The following IKZF1 variants were observed in gnomAD, a reference collection of about 807,000 sequenced individuals.
IKZF1 encodes the protein DNA-binding protein Ikaros.
IKZF1 carries 10 observed loss-of-function variants against 51.7 expected under a neutral mutation model. The observed-to-expected ratio is 0.19, with a 90% CI of 0.12 to 0.33. The LOEUF (loss-of-function observed/expected upper bound fraction) is 0.33, where lower values mean the gene tolerates loss of function less well. IKZF1 is among the 10% of genes least tolerant of loss of function. The probability of loss-of-function intolerance (pLI) is 1.00; values close to 1 mark genes in which losing one functional copy is unlikely to be tolerated. For missense variants in IKZF1, 484 were observed against 707.5 expected, an observed-to-expected ratio of 0.68 and a Z score of 3.58; for synonymous variants, 280 against 282.3, an observed-to-expected ratio of 0.99 and a Z score of 0.08.
intron 7 of IKZF1, among the ~76,000 whole-genome samples, chr7:50,393,682 G>A (rs866178965): frequency 3.9e-5 from 6 of 152,182 alleles, no homozygotes; most frequent in South Asian, 2.1e-4. Context: ...CTTCCTGAAC[G>A]GAGTAGGAGT....
intron 3 of IKZF1, among the ~76,000 whole-genome samples, chr7:50,351,413 C>T (rs766904290): frequency 6.6e-6 from 1 of 152,188 alleles, no homozygotes; most frequent in Non-Finnish European, 1.5e-5. Context: ...TGTTTTTCAT[C>T]TCAGAATGTT....
At chr7:50,332,854 C>T (rs1796714498) in intron 3 of IKZF1, among the ~76,000 whole-genome samples, 1 of 152,054 alleles carries the variant, frequency 6.6e-6, no homozygotes, top group Non-Finnish European at 1.5e-5. Flanking sequence ...TGGTACATTC[C>T]AGAATGTGCT....
chr7:50,319,185 T>TG (rs1792430944), intron 2 of IKZF1, 84 bp downstream of exon 2: 1 of 1,145,444 alleles, frequency 8.7e-7, no homozygotes. Context: ...GGTATGCTCA[T>TG]GGGGGAGGAA....
intron 5 of IKZF1, among the ~76,000 whole-genome samples, chr7:50,383,947 C>A (rs1438744178): frequency 3.9e-5 from 6 of 152,236 alleles, no homozygotes; most frequent in African/African-American, 1.4e-4. Flanking sequence ...TTACTGAGCA[C>A]CCCTGGGTGC....
rs1440399182 is a variant in IKZF1, at chr7:50,405,075, C to T, written c.*4448C>T. On this transcript the variant is annotated 3_prime_UTR_variant, in exon 8 of 8. Transcript: ENST00000331340. ...CACCTTTTCTGTCAAAATAAAATGTCTTGGAGGTTATGACTCCTTGGTGAA... is the reference window on the plus strand; with the variant it reads ...CACCTTTTCTGTCAAAATAAAATGTTTTGGAGGTTATGACTCCTTGGTGAA... The T allele has an allele frequency of 1.1e-5, 2 of 189,996 alleles. No homozygotes were observed. The highest frequency in any genetic ancestry group is 1.7e-4 in the East Asian group (2 of 12,094). 11.8% of individuals were successfully genotyped at this position (189,996 alleles called of 1,614,324 possible). A position where few individuals can be genotyped will look rare whatever the true frequency, so the allele number is the denominator to read the frequency against.
chr7:50,376,427 T>G lies in IKZF1; in HGVS notation c.161-106T>G, dbSNP rs1810307942. On this transcript the variant is annotated intron_variant, in intron 3 of 7. Coordinates refer to ENST00000331340, the MANE Select transcript of IKZF1 (RefSeq NM_006060.6). The surrounding 1 kb of genome is among the most constrained non-coding windows in gnomAD (Gnocchi z 4.5). ...CTTGGTATTTGCTAAGAACTTCTGT[T>G]TAGTAGCTCTCCACACCTATTTGAT... The G allele has an allele frequency of 6.6e-7, 1 of 1,515,174 alleles. No individual in the cohort carries two copies. Among genetic ancestry groups the G allele is most frequent in the African/African-American group, 1.4e-5 (1 of 71,844 alleles). The allele number at this position is 1,515,174 out of a possible 1,614,324, so 93.9% of individuals were successfully genotyped here.
In IKZF1 at chr7:50,391,875, A is replaced by G; in HGVS notation, c.850+12A>G. The G allele has an allele frequency of 6.2e-7, 1 of 1,606,926 alleles. No homozygotes were observed. The highest frequency in any genetic ancestry group is 8.5e-7 in the Non-Finnish European group (1 of 1,175,884). ...TCAGAAATTTCTTGGTAAGAGTTAA[A>G]TGTTTGCTGTCTCTTAAAAAAAAAC... On this transcript the variant is annotated intron_variant, in intron 7 of 7. Coordinates refer to ENST00000331340, the MANE Select transcript of IKZF1 (RefSeq NM_006060.6).
At chr7:50,391,243 A>T (rs1163195328) in intron 6 of IKZF1, among the ~76,000 whole-genome samples, 3 of 152,146 alleles carry the variant, frequency 2.0e-5, no homozygotes, top group Admixed American at 2.0e-4. Flanking sequence ...TTTTTCCTCC[A>T]CATTGCCCAG....
In IKZF1 at chr7:50,402,198, T is replaced by G; in HGVS notation, c.*1571T>G. 4.3e-6 allele frequency: 1 copy of G among 230,264 alleles called. No homozygotes were observed. Among genetic ancestry groups the G allele is most frequent in the African/African-American group, 2.2e-5 (1 of 45,274 alleles). The allele number at this position is 230,264 out of a possible 1,614,324, so 14.3% of individuals were successfully genotyped here. A position where few individuals can be genotyped will look rare whatever the true frequency, so the allele number is the denominator to read the frequency against. ...TCAACCACCTAGGCAATGAAGAATA[T>G]ACCATTTCAAATATTTACAGTACTT... is the stretch of plus-strand genomic sequence containing the variant. On this transcript the variant is annotated 3_prime_UTR_variant, in exon 8 of 8. Transcript: ENST00000331340.
chr7:50,306,554 A>C (rs1788841321), intron 1 of IKZF1, among the ~76,000 whole-genome samples: 1 of 152,232 alleles, frequency 6.6e-6, no homozygotes, highest in African/African-American at 2.4e-5. Context: ...GGTCTCCAGG[A>C]GACCACAAGG....
chr7:50,393,425 G>C (rs575281540), intron 7 of IKZF1, among the ~76,000 whole-genome samples: 2 of 152,282 alleles, frequency 1.3e-5, no homozygotes, highest in East Asian at 3.9e-4. Context: ...TGACCTGCAG[G>C]ATGACATGAA....
intron 3 of IKZF1, among the ~76,000 whole-genome samples, chr7:50,348,207 G>A (rs1350914978): frequency 1.3e-5 from 2 of 152,222 alleles, no homozygotes; most frequent in Non-Finnish European, 2.9e-5. Flanking sequence ...GTTAGATAGT[G>A]AAAGAAATTC....
intron 7 of IKZF1, among the ~76,000 whole-genome samples, chr7:50,395,743 CT>C (rs975491457): frequency 2.2e-4 from 33 of 152,180 alleles, no homozygotes; most frequent in African/African-American, 6.0e-4. Context: ...ATTCAAGCAA[CT>C]TTTTTAAAAA....
chr7:50,345,216 A>T (rs1800055171), intron 3 of IKZF1, among the ~76,000 whole-genome samples: 3 of 152,138 alleles, frequency 2.0e-5, no homozygotes. Flanking sequence ...TTACCACCTT[A>T]CTAAAATATT....
At chr7:50,379,520 C>T (rs1811250348) in intron 4 of IKZF1, among the ~76,000 whole-genome samples, 1 of 152,174 alleles carries the variant, frequency 6.6e-6, no homozygotes, top group Admixed American at 6.5e-5. Context: ...ATCTTCCCCA[C>T]CAATGTCTCA....
chr7:50,344,344 T>C (rs1799821562), intron 3 of IKZF1, among the ~76,000 whole-genome samples: 1 of 152,258 alleles, frequency 6.6e-6, no homozygotes, highest in African/African-American at 2.4e-5. Context: ...CATCCGCTGA[T>C]GTTGTCTTCC....
chr7:50,314,120 C>A (rs1314767124), intron 1 of IKZF1, among the ~76,000 whole-genome samples: 1 of 152,068 alleles, frequency 6.6e-6, no homozygotes, highest in Non-Finnish European at 1.5e-5. Flanking sequence ...TAATTTTTTT[C>A]TTTTTTCTTT....
At chr7:50,382,794 C>A in intron 5 of IKZF1, 87 bp downstream of exon 5, 1 of 1,457,058 alleles carries the variant, frequency 6.9e-7, no homozygotes, top group Non-Finnish European at 9.1e-7. Flanking sequence ...TGTGTCCTTG[C>A]TGGCTAACCC....
intron 2 of IKZF1, among the ~76,000 whole-genome samples, chr7:50,320,840 TC>T (rs1384663266): frequency 6.6e-6 from 1 of 152,232 alleles, no homozygotes. Flanking sequence ...AGGTATATTC[TC>T]ACAAGTGCAC....
Sources: gnomAD v4.1 joint callset for allele counts (sites outside exome capture counted in the v4.1 genomes callset) on GRCh38, gnomAD v4.1.1 for gene constraint, Gnocchi (gnomAD v3.1) non-coding constraint, MANE v1.5 for transcripts, NCBI Gene and HGNC (gene_info 2026-07-23, HGNC 2026-07-21) for gene names.